HMGCLL1: variants seen among roughly 807,000 people sequenced by gnomAD.
HMGCLL1 encodes 3-hydroxy-3-methylglutaryl-CoA lyase like 1, also known as 3-hydroxymethyl-3-methylglutaryl-CoA lyase, cytoplasmic.
A neutral mutation model predicts 39.1 loss-of-function variants in HMGCLL1; 36 were observed. That is an observed-to-expected ratio of 0.92 (90% confidence interval 0.71 to 1.22). HMGCLL1 has a LOEUF of 1.22. HMGCLL1 is among the 50% of genes most tolerant of loss of function. The pLI is 0.00. For missense variants in HMGCLL1, 451 were observed against 416.5 expected (o/e 1.08, Z -0.72); for synonymous variants, 149 against 144.0 (o/e 1.03, Z -0.25).
chr6:55,647,175 G>GT, the HMGCLL1 span, among the ~76,000 whole-genome samples: 7 of 151,706 alleles, frequency 4.6e-5, no homozygotes, highest in Non-Finnish European at 7.4e-5. Flanking sequence ...TTTTTTTAAA[G>GT]TTTTTTTCTT....
At chr6:55,493,829 T>A (rs918034446) in intron 7 of HMGCLL1, among the ~76,000 whole-genome samples, 1 of 152,000 alleles carries the variant, frequency 6.6e-6, no homozygotes, top group Non-Finnish European at 1.5e-5. Context: ...GCCTCCCAGG[T>A]TCACGCCGTT....
the HMGCLL1 span, among the ~76,000 whole-genome samples, chr6:55,656,948 G>T: frequency 0.014 from 2,159 of 152,052 alleles, 43 homozygotes; most frequent in African/African-American, 0.049. Flanking sequence ...GAAGTGGTCA[G>T]ATTCTGAATA....
intron 1 of HMGCLL1, among the ~76,000 whole-genome samples, chr6:55,550,242 T>C (rs1003891231): frequency 6.6e-6 from 1 of 151,986 alleles, no homozygotes; most frequent in African/African-American, 2.4e-5. Flanking sequence ...ACAGCGGATG[T>C]TGTGAGATGT....
At chr6:55,488,845 C>A (rs1766175326) in intron 7 of HMGCLL1, among the ~76,000 whole-genome samples, 2 of 152,008 alleles carry the variant, frequency 1.3e-5, no homozygotes, top group Admixed American at 1.3e-4. Flanking sequence ...TTAGTCTAAA[C>A]CCAGAGTTAG....
At chr6:55,659,349 G>C in the HMGCLL1 span, among the ~76,000 whole-genome samples, 1 of 151,868 alleles carries the variant, frequency 6.6e-6, no homozygotes, top group Non-Finnish European at 1.5e-5. Flanking sequence ...ACTTCATTGG[G>C]TATAGTCTCA....
chr6:55,659,087 C>T, the HMGCLL1 span, among the ~76,000 whole-genome samples: 1 of 151,726 alleles, frequency 6.6e-6, no homozygotes, highest in Non-Finnish European at 1.5e-5. Flanking sequence ...GAGAAGGGGA[C>T]ACATGTAATG....
At chr6:55,606,695 C>CAT in the HMGCLL1 span, among the ~76,000 whole-genome samples, 1 of 152,108 alleles carries the variant, frequency 6.6e-6, no homozygotes, top group African/African-American at 2.4e-5. Context: ...AGAATTCCCT[C>CAT]ATATATATAT....
At chr6:55,584,313 T>G in the HMGCLL1 span, among the ~76,000 whole-genome samples, 2 of 152,140 alleles carry the variant, frequency 1.3e-5, no homozygotes, top group Non-Finnish European at 2.9e-5. Flanking sequence ...CAAGAGATGC[T>G]GAACAGAATG....
the HMGCLL1 span, among the ~76,000 whole-genome samples, chr6:55,663,573 C>T: frequency 6.6e-6 from 1 of 151,782 alleles, no homozygotes; most frequent in Non-Finnish European, 1.5e-5. Flanking sequence ...TTTGCATTTG[C>T]TGAGGATTGT....
At chr6:55,573,552 CAAT>C (rs1771622385) in intron 1 of HMGCLL1, among the ~76,000 whole-genome samples, 2 of 151,110 alleles carry the variant, frequency 1.3e-5, no homozygotes, top group South Asian at 4.2e-4. Context: ...ATTAAGAACT[CAAT>C]AAATTAGATT....
At position 55,579,103 on chromosome 6, in the gene HMGCLL1, G is replaced by A; in HGVS notation, c.-48C>T. The A allele has an allele frequency of 3.5e-6, 5 of 1,414,372 alleles. No individual in the cohort carries two copies. Among genetic ancestry groups the A allele is most frequent in the Non-Finnish European group, 4.9e-6 (5 of 1,015,618 alleles). The allele number at this position is 1,414,372 out of a possible 1,614,324, so 87.6% of individuals were successfully genotyped here. A position where few individuals can be genotyped will look rare whatever the true frequency, so the allele number is the denominator to read the frequency against. ...GGCGAGGGGAGGGAGACTGGAGGAG[G>A]ATGAGGGGCGGGCACCGCGCTGGGA... On this transcript the variant is annotated 5_prime_UTR_variant, in exon 1 of 9. Transcript: ENST00000274901.
chr6:55,588,941 G>A, the HMGCLL1 span, among the ~76,000 whole-genome samples: 1 of 152,002 alleles, frequency 6.6e-6, no homozygotes, highest in South Asian at 2.1e-4. Context: ...AAAAGTCCAG[G>A]ACCAGATGGA....
At chr6:55,651,389 G>T in the HMGCLL1 span, among the ~76,000 whole-genome samples, 1 of 152,052 alleles carries the variant, frequency 6.6e-6, no homozygotes, top group African/African-American at 2.4e-5. Context: ...CTATAAGCTA[G>T]GGACCAGAAT....
chr6:55,633,277 G>A, the HMGCLL1 span, among the ~76,000 whole-genome samples: 1 of 151,858 alleles, frequency 6.6e-6, no homozygotes. Flanking sequence ...TATGGTTAAT[G>A]CATGGTCAAG....
chr6:55,529,801 G>A lies in HMGCLL1; in HGVS notation c.297+11928C>T, dbSNP rs138682249. Among the ~76,000 whole-genome samples the A allele has an allele frequency of 1.6e-3, 248 of 151,838 alleles. 2 individuals are homozygous for A. Among genetic ancestry groups the A allele is most frequent in the African/African-American group, 5.6e-3 (230 of 41,386 alleles). On this transcript the variant is annotated intron_variant, in intron 3 of 8. Coordinates refer to ENST00000274901, the MANE Select transcript of HMGCLL1 (RefSeq NM_001042406.2). Reference sequence around the variant, plus strand: ...TTATTAGGTATATATTATGGTTATCGATAGCAACTACTTATTATTCAACAT... The same window carrying A: ...TTATTAGGTATATATTATGGTTATCAATAGCAACTACTTATTATTCAACAT...
Position 55,578,695 on chromosome 6 carries a change from A to G in HMGCLL1, c.108+253T>C, listed in dbSNP as rs62404291. Among the ~76,000 whole-genome samples, 862 of 152,320 alleles carry G rather than the reference A, an allele frequency of 5.7e-3. 4 individuals carry two copies. Among genetic ancestry groups the G allele is most frequent in the Non-Finnish European group, 7.8e-3 (529 of 68,018 alleles). ...ACACAGAGAAGGAATTCTTTTCTTT[A>G]GGCGACCAGCAAATGGTCACAGGCA... On this transcript the variant is annotated intron_variant, in intron 1 of 8. Transcript: ENST00000274901.
chr6:55,508,927 A>C (rs968043863), intron 5 of HMGCLL1, among the ~76,000 whole-genome samples: 1 of 151,264 alleles, frequency 6.6e-6, no homozygotes, highest in African/African-American at 2.4e-5. Context: ...TGCTAATTTC[A>C]TGAGAAATGA....
At chr6:55,561,805 C>T (rs903236672) in intron 1 of HMGCLL1, among the ~76,000 whole-genome samples, 2 of 152,044 alleles carry the variant, frequency 1.3e-5, no homozygotes, top group Non-Finnish European at 2.9e-5. Flanking sequence ...TTTCTTCTTT[C>T]ATTTTATTTC....
chr6:55,549,392 G>GTGTGTGTA (rs1227991486), intron 1 of HMGCLL1, among the ~76,000 whole-genome samples: 2 of 151,462 alleles, frequency 1.3e-5, no homozygotes, highest in African/African-American at 4.9e-5. Context: ...GTGTGTGTGT[G>GTGTGTGTA]TGTGTGTGTG....
Sources: allele counts gnomAD v4.1 joint callset (sites outside exome capture counted in the v4.1 genomes callset), GRCh38; gene constraint gnomAD v4.1.1; transcripts MANE v1.5; gene names NCBI Gene and HGNC (gene_info 2026-07-23, HGNC 2026-07-21).